Variants in TAOK3 observed in about 807,000 individuals in gnomAD.
The protein encoded by TAOK3 is serine/threonine-protein kinase TAO3.
In TAOK3, 40 loss-of-function variants were observed where a neutral mutation model predicts 120.4. The observed-to-expected ratio is 0.33, with a 90% CI of 0.26 to 0.43. TAOK3 has a LOEUF of 0.43. Among genes scored for constraint, TAOK3 ranks in the 20% least tolerant of loss-of-function variants. TAOK3 has a pLI of 1.00. For missense variants in TAOK3, 821 were observed against 1,112.1 expected (o/e 0.74, Z 3.72); for synonymous variants, 355 against 387.5 (o/e 0.92, Z 0.99).
intron 9 of TAOK3, among the ~76,000 whole-genome samples, chr12:118,226,289 T>G (rs543808662): frequency 5.9e-5 from 9 of 152,298 alleles, no homozygotes; most frequent in Admixed American, 3.9e-4. Flanking sequence ...GGCAGCAGAA[T>G]GGTGTGAACC....
chr12:118,196,646 T>C (rs2037744828), intron 13 of TAOK3, among the ~76,000 whole-genome samples: 1 of 152,252 alleles, frequency 6.6e-6, no homozygotes, highest in Admixed American at 6.5e-5. Context: ...TGGGTACTCA[T>C]TTAACTTTCA....
intron 3 of TAOK3, among the ~76,000 whole-genome samples, chr12:118,253,423 G>A (rs2040840197): frequency 1.3e-5 from 2 of 152,120 alleles, no homozygotes; most frequent in Admixed American, 1.3e-4. Flanking sequence ...TATGCTTAAG[G>A]AAGTATTTGT....
chr12:118,264,638 T>C (rs2041365923), intron 2 of TAOK3, among the ~76,000 whole-genome samples: 1 of 152,132 alleles, frequency 6.6e-6, no homozygotes. Context: ...TGATAGTGGA[T>C]ATGTTTATTT....
chr12:118,214,515 A>T (rs1454422426), intron 9 of TAOK3, among the ~76,000 whole-genome samples: 4 of 151,982 alleles, frequency 2.6e-5, no homozygotes, highest in Admixed American at 2.6e-4. Flanking sequence ...ATTCATATTC[A>T]CTTAAAAAAG....
intron 1 of TAOK3, among the ~76,000 whole-genome samples, chr12:118,366,865 G>A (rs1241663836): frequency 6.6e-6 from 1 of 152,110 alleles, no homozygotes; most frequent in Admixed American, 6.6e-5. Context: ...TGAGGTGGGC[G>A]GATCACTTGA....
chr12:118,296,812 C>T (rs1442091400), intron 1 of TAOK3: 5 of 152,140 alleles, frequency 3.3e-5, no homozygotes, highest in East Asian at 1.9e-4. Context: ...CTTCACATAA[C>T]GTAGGTAGGA....
At chr12:118,214,721 T>A (rs1297942791) in intron 9 of TAOK3, among the ~76,000 whole-genome samples, 1 of 149,114 alleles carries the variant, frequency 6.7e-6, no homozygotes, top group Non-Finnish European at 1.5e-5. Flanking sequence ...GTGCCTGACA[T>A]CGTGCATGGC....
At chr12:118,309,382 T>A (rs907436559) in intron 1 of TAOK3, among the ~76,000 whole-genome samples, 1 of 149,202 alleles carries the variant, frequency 6.7e-6, no homozygotes, top group Admixed American at 6.7e-5. Context: ...AAAAACCAAA[T>A]TATGGACATC....
rs967433610 is a variant in TAOK3, at chr12:118,169,729, C to CT, written c.1899+2727dup. ...GATTCCATCATCTTTTCTCTCATAT[C>CT]TTTTTTTTTGAGACGGAGTCTCCCT... On this transcript the variant is annotated intron_variant, in intron 17 of 20. Transcript: ENST00000392533. Among the ~76,000 whole-genome samples the CT allele has an allele frequency of 4.6e-5, 7 of 151,252 alleles. No homozygotes were observed. The East Asian group carries it at 9.8e-4, about 21-fold the overall frequency.
chr12:118,187,644 T>G (rs944529293), intron 14 of TAOK3, among the ~76,000 whole-genome samples: 6 of 152,090 alleles, frequency 3.9e-5, no homozygotes, highest in Non-Finnish European at 8.8e-5. Context: ...ACCATTGAAC[T>G]CTGGTAAACT....
chr12:118,199,847 T>TTA (rs887112267), intron 12 of TAOK3: 2 of 155,764 alleles, frequency 1.3e-5, no homozygotes, highest in Non-Finnish European at 2.9e-5. Flanking sequence ...TGTAATCTTA[T>TTA]TATATATATC....
intron 17 of TAOK3, among the ~76,000 whole-genome samples, chr12:118,166,000 G>A (rs1296101821): frequency 6.6e-6 from 1 of 152,080 alleles, no homozygotes; most frequent in African/African-American, 2.4e-5. Flanking sequence ...CTTATTATGA[G>A]GCCAGTGCTG....
chr12:118,351,967 G>A (rs966678102), intron 1 of TAOK3, among the ~76,000 whole-genome samples: 10 of 148,238 alleles, frequency 6.7e-5, no homozygotes, highest in African/African-American at 9.9e-5. Flanking sequence ...TCCGCCTCCC[G>A]GGTTCATGCC....
intron 1 of TAOK3, among the ~76,000 whole-genome samples, chr12:118,336,309 TTTATTTACAAAGGTGA>T (rs1307977542): frequency 6.6e-6 from 1 of 152,196 alleles, no homozygotes; most frequent in Non-Finnish European, 1.5e-5. Flanking sequence ...GTCCATCTGA[TTTATTTACAAAGGTGA>T]TTATTTACAA....
At chr12:118,176,577 T>C (rs1251969608) in intron 16 of TAOK3, among the ~76,000 whole-genome samples, 1 of 152,076 alleles carries the variant, frequency 6.6e-6, no homozygotes, top group Non-Finnish European at 1.5e-5. Flanking sequence ...TGAAATGTGG[T>C]CCCTGAAGCA....
At chr12:118,278,806 T>TTTTATA (rs1306617307) in intron 1 of TAOK3, among the ~76,000 whole-genome samples, 1 of 152,148 alleles carries the variant, frequency 6.6e-6, no homozygotes, top group Non-Finnish European at 1.5e-5. Flanking sequence ...GCATCTGTTA[T>TTTTATA]TTTTTATTTT....
chr12:118,332,549 A>G (rs1220931144), intron 1 of TAOK3, among the ~76,000 whole-genome samples: 1 of 152,174 alleles, frequency 6.6e-6, no homozygotes, highest in Non-Finnish European at 1.5e-5. Context: ...TTATGAGGCT[A>G]TAGCTAGATA....
At chr12:118,190,927 G>A (rs1225832583) in intron 13 of TAOK3, among the ~76,000 whole-genome samples, 1 of 152,152 alleles carries the variant, frequency 6.6e-6, no homozygotes, top group Non-Finnish European at 1.5e-5. Context: ...ATAGTAATTT[G>A]TACCTCAAAA....
chr12:118,318,158 C>CT (rs766334747), intron 1 of TAOK3, among the ~76,000 whole-genome samples: 2,896 of 133,274 alleles, frequency 0.022, 70 homozygotes, highest in African/African-American at 0.06. Context: ...AGCTATAAAA[C>CT]TTTTTTTTTT....
Sources: allele counts gnomAD v4.1 joint callset (sites outside exome capture counted in the v4.1 genomes callset), GRCh38; gene constraint gnomAD v4.1.1; transcripts MANE v1.5; gene names NCBI Gene and HGNC (gene_info 2026-07-23, HGNC 2026-07-21).